CADM2: variants seen among roughly 807,000 people sequenced by gnomAD.
CADM2 encodes immunoglobulin superfamily member 4D.
A neutral mutation model predicts 49.8 loss-of-function variants in CADM2; 12 were observed. That is an observed-to-expected ratio of 0.24 (90% CI 0.15 to 0.39). CADM2 has a LOEUF of 0.39. CADM2 is among the 10% of genes least tolerant of loss of function. The pLI, the probability that CADM2 is intolerant of heterozygous loss-of-function variation, is 1.00. For missense variants in CADM2, 378 were observed against 492.3 expected, an observed-to-expected ratio of 0.77 and a Z score of 2.20; for synonymous variants, 214 against 175.4, an observed-to-expected ratio of 1.22 and a Z score of -1.74.
intron 1 of CADM2, among the ~76,000 whole-genome samples, chr3:85,354,764 G>A (rs560870206): frequency 2.0e-5 from 3 of 152,132 alleles, no homozygotes; most frequent in African/African-American, 7.2e-5. Flanking sequence ...CTTACAGGCT[G>A]GTTATCCCAC....
chr3:85,562,168 A>C (rs2062112766), intron 1 of CADM2, among the ~76,000 whole-genome samples: 1 of 152,094 alleles, frequency 6.6e-6, no homozygotes, highest in African/African-American at 2.4e-5. Flanking sequence ...AAGTTTTGTG[A>C]ATCTCCTCGT....
intron 1 of CADM2, among the ~76,000 whole-genome samples, chr3:85,359,667 T>TATATATATATATATATATATATATA (rs1491224693): frequency 4.2e-4 from 7 of 16,492 alleles, no homozygotes; most frequent in African/African-American, 1.1e-3. Flanking sequence ...TATATATATA[T>TATATATATATATATATATATATATA]TTTTTTTTTT....
intron 1 of CADM2, among the ~76,000 whole-genome samples, chr3:85,260,302 A>G (rs1016040900): frequency 1.3e-5 from 2 of 152,134 alleles, no homozygotes; most frequent in Non-Finnish European, 2.9e-5. Context: ...TGACACACAC[A>G]GAAGGAACAA....
chr3:85,892,043 G>A (rs78052935), intron 5 of CADM2, among the ~76,000 whole-genome samples: 66 of 152,300 alleles, frequency 4.3e-4, no homozygotes, highest in African/African-American at 1.5e-3. Context: ...TCACACATCT[G>A]GCAAAGACTA....
intron 8 of CADM2, among the ~76,000 whole-genome samples, chr3:86,053,092 A>G (rs1211909605): frequency 2.0e-5 from 3 of 152,192 alleles, no homozygotes; most frequent in African/African-American, 7.2e-5. Context: ...AATTCATGTT[A>G]TAAGAAATCA....
intron 1 of CADM2, among the ~76,000 whole-genome samples, chr3:85,599,030 C>T (rs1267894375): frequency 6.6e-6 from 1 of 151,824 alleles, no homozygotes; most frequent in Non-Finnish European, 1.5e-5. Context: ...ATTGAATTTT[C>T]TAATTCAAGT....
At chr3:85,737,626 C>T (rs932685389) in intron 2 of CADM2, among the ~76,000 whole-genome samples, 5 of 149,082 alleles carry the variant, frequency 3.4e-5, no homozygotes, top group South Asian at 2.1e-4. Flanking sequence ...GGTGCCATCT[C>T]GGCTCACTGC....
chr3:85,634,857 T>C (rs1156576477), intron 1 of CADM2, among the ~76,000 whole-genome samples: 2 of 150,378 alleles, frequency 1.3e-5, no homozygotes, highest in African/African-American at 4.8e-5. Context: ...CTACTTTGTA[T>C]TTATACATTC....
chr3:86,006,153 A>C (rs1365333110), intron 8 of CADM2, among the ~76,000 whole-genome samples: 1 of 152,186 alleles, frequency 6.6e-6, no homozygotes, highest in Non-Finnish European at 1.5e-5. Flanking sequence ...AATCTTAGCT[A>C]TTGTAAACAG....
chr3:85,036,235 T>C (rs2035203094), intron 1 of CADM2, among the ~76,000 whole-genome samples: 1 of 152,160 alleles, frequency 6.6e-6, no homozygotes, highest in South Asian at 2.1e-4. Flanking sequence ...TCCAACATAA[T>C]GTGCAGCATT....
chr3:85,615,871 T>A (rs934250914), intron 1 of CADM2, among the ~76,000 whole-genome samples: 3 of 151,904 alleles, frequency 2.0e-5, no homozygotes, highest in Non-Finnish European at 4.4e-5. Context: ...ATGAGTTGGG[T>A]TGCTATCCAT....
At chr3:85,103,339 TAA>T (rs1313213216) in intron 1 of CADM2, among the ~76,000 whole-genome samples, 1 of 152,112 alleles carries the variant, frequency 6.6e-6, no homozygotes, top group Non-Finnish European at 1.5e-5. Flanking sequence ...TAACCATAAA[TAA>T]AGTTTTATTT....
chr3:85,290,172 G>A (rs2043746981), intron 1 of CADM2, among the ~76,000 whole-genome samples: 1 of 152,160 alleles, frequency 6.6e-6, no homozygotes, highest in Non-Finnish European at 1.5e-5. Flanking sequence ...GTCAAAGAAA[G>A]GGGTGACAGG....
chr3:85,511,869 A>G, intron 1 of CADM2: 3 of 983,486 alleles, frequency 3.1e-6, no homozygotes, highest in Non-Finnish European at 3.6e-6. Context: ...AAGCACATTA[A>G]TCATTCCAGT....
intron 1 of CADM2, among the ~76,000 whole-genome samples, chr3:85,057,712 A>C (rs1293703926): frequency 2.0e-5 from 3 of 152,188 alleles, no homozygotes; most frequent in African/African-American, 7.2e-5. Context: ...CTAATCAAAA[A>C]CAAACTAGAA....
chr3:85,600,486 T>C (rs1378071703), intron 1 of CADM2, among the ~76,000 whole-genome samples: 1 of 151,940 alleles, frequency 6.6e-6, no homozygotes, highest in East Asian at 1.9e-4. Context: ...ATGAAGGTAC[T>C]TCATCTGATT....
At chr3:85,886,867 CCTCT>C (rs1304542070) in intron 5 of CADM2, among the ~76,000 whole-genome samples, 1 of 151,854 alleles carries the variant, frequency 6.6e-6, no homozygotes, top group South Asian at 2.1e-4. Context: ...ATTTAAACTC[CCTCT>C]CTCTCTGTCA....
At chr3:85,259,294 AACTACGAACACTAAG>A (rs1232197947) in intron 1 of CADM2, among the ~76,000 whole-genome samples, 2 of 152,166 alleles carry the variant, frequency 1.3e-5, no homozygotes, top group African/African-American at 4.8e-5. Context: ...TTAGTCTGGT[AACTACGAACACTAAG>A]TGAGTTTATT....
intron 1 of CADM2, among the ~76,000 whole-genome samples, chr3:85,666,353 C>G (rs2065567382): frequency 6.6e-6 from 1 of 151,782 alleles, no homozygotes; most frequent in African/African-American, 2.4e-5. Flanking sequence ...ATCCTGGAAC[C>G]ACAACATTCA....
Sources: gnomAD v4.1 joint callset for allele counts (sites outside exome capture counted in the v4.1 genomes callset) on GRCh38, gnomAD v4.1.1 for gene constraint, MANE v1.5 for transcripts, NCBI Gene and HGNC (gene_info 2026-07-23, HGNC 2026-07-21) for gene names.